The following DCDC2C variants were observed in gnomAD, a reference collection of about 807,000 sequenced individuals.
DCDC2C encodes doublecortin domain-containing protein 2C.
Under a neutral mutation model 45.0 loss-of-function variants are expected in DCDC2C, and 44 were observed. The observed-to-expected ratio is 0.98, with a 90% CI of 0.77 to 1.26. The LOEUF is 1.26. Ranked by LOEUF, DCDC2C falls within the 50% of genes most tolerant of loss-of-function variation. The pLI is 0.00. For synonymous variants in DCDC2C, 187 were observed against 178.8 expected (o/e 1.05, Z -0.37); for missense variants, 447 against 468.9 (o/e 0.95, Z 0.43).
intron 9 of DCDC2C, 124 bp downstream of exon 9, chr2:3,779,008 C>A: frequency 1.1e-6 from 1 of 896,732 alleles, no homozygotes; most frequent in Non-Finnish European, 1.7e-6. Flanking sequence ...CAAGCCAGCG[C>A]GGAATCGGAA....
chr2:3,778,280 T>C (rs907809271), intron 8 of DCDC2C, among the ~76,000 whole-genome samples: 1 of 152,206 alleles, frequency 6.6e-6, no homozygotes. Flanking sequence ...TACAGAAATA[T>C]AAAGGAAGTT....
At chr2:3,789,755 G>A (rs1019985624) in intron 10 of DCDC2C, among the ~76,000 whole-genome samples, 2 of 152,112 alleles carry the variant, frequency 1.3e-5, no homozygotes, top group African/African-American at 4.8e-5. Flanking sequence ...ACTAAGCCTG[G>A]GCATTCTAGG....
intron 4 of DCDC2C, among the ~76,000 whole-genome samples, chr2:3,742,516 A>G (rs2148109727): frequency 6.6e-6 from 1 of 152,150 alleles, no homozygotes; most frequent in African/African-American, 2.4e-5. Flanking sequence ...GGCCTCTAGC[A>G]TGTGCCTGGG....
At chr2:3,722,677 T>G (rs7599499) in intron 2 of DCDC2C, among the ~76,000 whole-genome samples, 14,228 of 152,200 alleles carry the variant, frequency 0.093, 2,226 homozygotes, top group African/African-American at 0.32. Flanking sequence ...TACATAAGCT[T>G]GACATTGTTC....
At chr2:3,712,727 T>C (rs1051535985) in intron 2 of DCDC2C, among the ~76,000 whole-genome samples, 3 of 152,176 alleles carry the variant, frequency 2.0e-5, no homozygotes, top group African/African-American at 7.2e-5. Context: ...CAGGACTTCA[T>C]GGGTTTCTTT....
intron 10 of DCDC2C, among the ~76,000 whole-genome samples, chr2:3,814,518 TC>T (rs1671506506): frequency 6.6e-6 from 1 of 152,254 alleles, no homozygotes; most frequent in Non-Finnish European, 1.5e-5. Flanking sequence ...TTCTGTCAAT[TC>T]GTCCATCTGA....
At chr2:3,713,751 T>C (rs1435095665) in intron 2 of DCDC2C, among the ~76,000 whole-genome samples, 2 of 152,232 alleles carry the variant, frequency 1.3e-5, no homozygotes, top group Non-Finnish European at 2.9e-5. Context: ...TCTGTAGGGA[T>C]TGATCTAAAA....
intron 2 of DCDC2C, among the ~76,000 whole-genome samples, chr2:3,715,153 T>C (rs1668317189): frequency 6.6e-6 from 1 of 152,204 alleles, no homozygotes. Flanking sequence ...CCTTTCTATT[T>C]AATGATGTAT....
chr2:3,766,936 C>G (rs571630393), intron 6 of DCDC2C, among the ~76,000 whole-genome samples: 1 of 152,172 alleles, frequency 6.6e-6, no homozygotes, highest in Non-Finnish European at 1.5e-5. Context: ...AGTGGAAAGC[C>G]GTAGGATACT....
intron 6 of DCDC2C, among the ~76,000 whole-genome samples, chr2:3,759,673 C>A (rs529267905): frequency 1.7e-4 from 26 of 152,220 alleles, no homozygotes; most frequent in African/African-American, 6.0e-4. Context: ...TTGCTCTAGA[C>A]GAGCACATTT....
intron 9 of DCDC2C, among the ~76,000 whole-genome samples, chr2:3,780,959 C>T (rs1001985145): frequency 2.0e-5 from 3 of 152,210 alleles, no homozygotes; most frequent in Admixed American, 1.3e-4. Context: ...CTGTGTCCCT[C>T]GTAGATACCG....
chr2:3,723,534 G>A (rs1459881460), intron 2 of DCDC2C, among the ~76,000 whole-genome samples: 1 of 152,214 alleles, frequency 6.6e-6, no homozygotes, highest in Non-Finnish European at 1.5e-5. Context: ...CAGAGACATG[G>A]CAGAGAGGCA....
In DCDC2C at chr2:3,703,772, C is replaced by G. The variant is rs916241423; in HGVS notation, c.21C>G (p.Ser7=). MGTRGP[S]APVDTTPAKT... Reference sequence around the variant, plus strand: ...CGGCTATGGGAACCCGCGGGCCCTCCGCGCCGGTGGACACCACGCCCGCCA... The same window carrying G: ...CGGCTATGGGAACCCGCGGGCCCTCGGCGCCGGTGGACACCACGCCCGCCA... Residue 7 remains serine, a synonymous_variant, in exon 1 of 11, where the codon TCC becomes TCG. Transcript: ENST00000399143. The surrounding 1 kb of genome is among the most constrained non-coding windows in gnomAD (Gnocchi z 4.4). The G allele has an allele frequency of 6.5e-6, 8 of 1,235,046 alleles. 1 individual carries two copies. The South Asian group carries it at 2.4e-4, about 36-fold the overall frequency. The allele number at this position is 1,235,046 out of a possible 1,614,324, so 76.5% of individuals were successfully genotyped here.
At chr2:3,797,719 A>T (rs1416093927) in intron 10 of DCDC2C, among the ~76,000 whole-genome samples, 1 of 152,014 alleles carries the variant, frequency 6.6e-6, no homozygotes, top group Admixed American at 6.6e-5. Flanking sequence ...GTTTGATTGC[A>T]CTGTGGTCTG....
chr2:3,840,727 A>T (rs1053400153), intron 10 of DCDC2C, among the ~76,000 whole-genome samples: 1 of 152,242 alleles, frequency 6.6e-6, no homozygotes, highest in East Asian at 1.9e-4. Flanking sequence ...AGAGTAAAAA[A>T]GTGGTTCTGT....
At chr2:3,730,299 A>G (rs1247199629) in intron 3 of DCDC2C, among the ~76,000 whole-genome samples, 1 of 152,140 alleles carries the variant, frequency 6.6e-6, no homozygotes, top group Non-Finnish European at 1.5e-5. Flanking sequence ...AAAAAAATAA[A>G]GAAACCGAGT....
intron 6 of DCDC2C, among the ~76,000 whole-genome samples, chr2:3,758,494 T>G (rs1463406663): frequency 6.6e-6 from 1 of 152,238 alleles, no homozygotes; most frequent in Non-Finnish European, 1.5e-5. Context: ...AACATCACGA[T>G]GCAAATTTGC....
chr2:3,717,466 A>G (rs1395843804), intron 2 of DCDC2C, among the ~76,000 whole-genome samples: 1 of 103,274 alleles, frequency 9.7e-6, no homozygotes, highest in Non-Finnish European at 2.0e-5. Context: ...CTCCCTGCCC[A>G]CCCATCCCAC....
intron 10 of DCDC2C, among the ~76,000 whole-genome samples, chr2:3,803,686 G>A (rs1372395306): frequency 1.3e-5 from 2 of 152,124 alleles, no homozygotes; most frequent in African/African-American, 2.4e-5. Context: ...CATCAATCAC[G>A]CCTTTGTTCT....
Sources: allele counts gnomAD v4.1 joint callset (sites outside exome capture counted in the v4.1 genomes callset), GRCh38; gene constraint gnomAD v4.1.1; non-coding constraint Gnocchi (gnomAD v3.1); transcripts MANE v1.5; gene names NCBI Gene and HGNC (gene_info 2026-07-23, HGNC 2026-07-21).